Variants in ZNF827 observed in about 807,000 individuals in gnomAD.
The protein encoded by ZNF827 is zinc finger protein 827.
A neutral mutation model predicts 102.4 loss-of-function variants in ZNF827; 13 were observed. That is an observed-to-expected ratio of 0.13 (90% CI 0.08 to 0.20). The LOEUF (loss-of-function observed/expected upper bound fraction) is 0.20. ZNF827 is among the 10% of genes least tolerant of loss of function. The pLI, the probability that ZNF827 is intolerant of heterozygous loss-of-function variation, is 1.00. For missense variants in ZNF827, 1,103 were observed against 1,344.4 expected (o/e 0.82, Z 2.81); for synonymous variants, 523 against 536.2 (o/e 0.98, Z 0.34).
chr4:145,868,062 T>G (rs116474680), intron 5 of ZNF827, among the ~76,000 whole-genome samples: 6 of 152,214 alleles, frequency 3.9e-5, no homozygotes, highest in Non-Finnish European at 7.3e-5. Context: ...GATTAGAAAC[T>G]CTAATATCCA....
chr4:145,765,312 G>A lies in ZNF827; in HGVS notation c.3053-147C>T, dbSNP rs996147964. 5 of 1,011,504 alleles carry A rather than the reference G, an allele frequency of 4.9e-6. No homozygotes were observed. The African/African-American group carries it at 6.5e-5, about 13-fold the overall frequency. The allele number at this position is 1,011,504 out of a possible 1,614,324, so 62.7% of individuals were successfully genotyped here. ...CAGGCACTGTTCCCCATATCTCTGT[G>A]CTAAAAGGAGTTAAATGTACAAACA... On this transcript the variant is annotated intron_variant, in intron 12 of 14. Coordinates refer to ENST00000508784, the MANE Select transcript of ZNF827 (RefSeq NM_001306215.2). The surrounding 1 kb of genome is among the most constrained non-coding windows in gnomAD (Gnocchi z 4.7).
chr4:145,914,420 T>C (rs1752526754), intron 1 of ZNF827, among the ~76,000 whole-genome samples: 1 of 152,228 alleles, frequency 6.6e-6, no homozygotes, highest in African/African-American at 2.4e-5. Context: ...CAAGAATCCA[T>C]GAGAGCAAAG....
intron 4 of ZNF827, among the ~76,000 whole-genome samples, chr4:145,884,053 G>C (rs149269500): frequency 6.6e-6 from 1 of 152,096 alleles, no homozygotes; most frequent in Non-Finnish European, 1.5e-5. Context: ...GGGAGAAGTC[G>C]GGGGAGAGAG....
At chr4:145,774,750 C>A in intron 10 of ZNF827, 78 bp from the exon 11 acceptor site, 2 of 1,461,884 alleles carry the variant, frequency 1.4e-6, no homozygotes, top group Non-Finnish European at 1.9e-6. Context: ...TCCATTTATA[C>A]ACAGTACACT....
chr4:145,763,869 C>T lies in ZNF827; in HGVS notation c.3231-747G>A, dbSNP rs1734880427. On this transcript the variant is annotated intron_variant, in intron 13 of 14. Coordinates refer to ENST00000508784, the MANE Select transcript of ZNF827 (RefSeq NM_001306215.2). The surrounding 1 kb of genome is among the most constrained non-coding windows in gnomAD (Gnocchi z 4.6). Reference sequence around the variant, plus strand: ...CTTCTGCCCTCCCCTCCCCCTCCCCCAAGAGTGAAACGAAATGGAGTTCAA... The same window carrying T: ...CTTCTGCCCTCCCCTCCCCCTCCCCTAAGAGTGAAACGAAATGGAGTTCAA... Among the ~76,000 whole-genome samples the T allele has an allele frequency of 6.6e-6, 1 of 152,140 alleles. No homozygotes were observed. Among genetic ancestry groups the T allele is most frequent in the African/African-American group, 2.4e-5 (1 of 41,420 alleles).
chr4:145,775,696 G>A, intron 10 of ZNF827, 93 bp downstream of exon 10: 1 of 1,459,030 alleles, frequency 6.9e-7, no homozygotes, highest in Non-Finnish European at 9.4e-7. Context: ...TGAGAAAAGG[G>A]GCCTCGTGAT....
intron 1 of ZNF827, among the ~76,000 whole-genome samples, chr4:145,925,447 C>A (rs752545895): frequency 6.1e-4 from 93 of 152,320 alleles, no homozygotes; most frequent in Admixed American, 1.7e-3. Context: ...AGTATATGGT[C>A]TTGCACTTGT....
chr4:145,787,540 T>C (rs1398283306), intron 8 of ZNF827, among the ~76,000 whole-genome samples: 2 of 152,082 alleles, frequency 1.3e-5, no homozygotes, highest in Middle Eastern at 3.2e-3. Flanking sequence ...AGATTCTTTT[T>C]AGATGTAAGA....
chr4:145,768,250 C>T (rs1269302921), intron 11 of ZNF827, among the ~76,000 whole-genome samples: 1 of 152,140 alleles, frequency 6.6e-6, no homozygotes, highest in Non-Finnish European at 1.5e-5. Flanking sequence ...CTGCAACCTC[C>T]ACCTCCCGGG....
chr4:145,799,846 T>C (rs1267234740), intron 8 of ZNF827, among the ~76,000 whole-genome samples: 2 of 152,158 alleles, frequency 1.3e-5, no homozygotes, highest in African/African-American at 4.8e-5. Flanking sequence ...GCAGCCATAG[T>C]AGACCATAAG....
chr4:145,843,943 C>G (rs1745668125), intron 7 of ZNF827, among the ~76,000 whole-genome samples: 1 of 152,206 alleles, frequency 6.6e-6, no homozygotes, highest in Non-Finnish European at 1.5e-5. Context: ...CTTGCAGGTT[C>G]CTCTGAGAGC....
chr4:145,834,555 C>T (rs980568096), intron 7 of ZNF827, among the ~76,000 whole-genome samples: 2 of 152,154 alleles, frequency 1.3e-5, no homozygotes, highest in South Asian at 4.2e-4. Flanking sequence ...CCCTCCCCAT[C>T]CTGCCCAGCA....
intron 1 of ZNF827, among the ~76,000 whole-genome samples, chr4:145,925,843 T>C (rs778068305): frequency 4.6e-5 from 7 of 152,242 alleles, no homozygotes; most frequent in Non-Finnish European, 1.0e-4. Flanking sequence ...TTGAAGTCCT[T>C]AGAAAATCAC....
chr4:145,875,547 T>A (rs1310980011), intron 4 of ZNF827, among the ~76,000 whole-genome samples: 1 of 152,172 alleles, frequency 6.6e-6, no homozygotes, highest in East Asian at 1.9e-4. Context: ...AAAGGGACAT[T>A]TTCTGGTAGG....
At chr4:145,796,690 C>T (rs1050927317) in intron 8 of ZNF827, among the ~76,000 whole-genome samples, 5 of 139,476 alleles carry the variant, frequency 3.6e-5, no homozygotes, top group Non-Finnish European at 7.6e-5. Context: ...AGTGCAGTGG[C>T]ACGATCTCAG....
Position 145,902,635 on chromosome 4 carries a change from C to T in ZNF827, c.624G>A (p.Pro208=), listed in dbSNP as rs763395699. ...CTTTCAGTTTTAGGATGGCTGAATC[C>T]GGAGACAAGCTGCAGGTGGTGGTTG... ...PNSTTTCSLS[P]DSAILKLKAA... is the part of the protein sequence containing the mutation. The change falls in exon 2 of 15, where the codon CCG becomes CCA. Residue 208 remains proline, a synonymous_variant. Coordinates refer to ENST00000508784, the MANE Select transcript of ZNF827 (RefSeq NM_001306215.2). This position sits in a 1 kb window ranked among gnomAD's most constrained non-coding sequence, Gnocchi z 4.3. 13 of 1,613,950 alleles carry T rather than the reference C, an allele frequency of 8.1e-6. No homozygotes were observed. The highest frequency in any genetic ancestry group is 2.7e-5 in the African/African-American group (2 of 74,916).
In ZNF827 at chr4:145,818,957, T is replaced by C. The variant is rs141083279; in HGVS notation, c.2383+4465A>G. On this transcript the variant is annotated intron_variant, in intron 8 of 14. Coordinates refer to ENST00000508784, the MANE Select transcript of ZNF827 (RefSeq NM_001306215.2). ...AGGCAGGCAATTCCAAACCAGCCTT[T>C]TGATTGAACATCAAATTCTGACTGG... Among the ~76,000 whole-genome samples, 1,016 of 152,336 alleles carry C rather than the reference T, an allele frequency of 6.7e-3. 11 individuals are homozygous for C. The highest frequency in any genetic ancestry group is 0.023 in the African/African-American group (956 of 41,572).
intron 8 of ZNF827, among the ~76,000 whole-genome samples, chr4:145,802,124 C>T (rs1740970801): frequency 6.6e-6 from 1 of 152,184 alleles, no homozygotes; most frequent in African/African-American, 2.4e-5. Flanking sequence ...ATACTAAGAG[C>T]TCTAAGAGTT....
At chr4:145,889,797 T>C (rs1750444942) in intron 3 of ZNF827, among the ~76,000 whole-genome samples, 4 of 152,092 alleles carry the variant, frequency 2.6e-5, no homozygotes, top group African/African-American at 9.7e-5. Context: ...GCTAACATGG[T>C]GAAACCTCGT....
Sources: allele counts gnomAD v4.1 joint callset (sites outside exome capture counted in the v4.1 genomes callset), GRCh38; gene constraint gnomAD v4.1.1; non-coding constraint Gnocchi (gnomAD v3.1); transcripts MANE v1.5; gene names NCBI Gene and HGNC (gene_info 2026-07-23, HGNC 2026-07-21).